Variants in FGF12 observed in about 807,000 individuals in gnomAD.
FGF12 encodes fibroblast growth factor 12B.
In FGF12, 14 loss-of-function variants were observed where a neutral mutation model predicts 23.6. That is an observed-to-expected ratio of 0.59 (90% confidence interval 0.39 to 0.93). FGF12 has a LOEUF of 0.93. FGF12 is among the 40% of genes least tolerant of loss of function. The pLI is 0.00. For synonymous variants in FGF12, 62 were observed against 77.3 expected (o/e 0.80, Z 1.04); for missense variants, 175 against 217.8 (o/e 0.80, Z 1.24).
chr3:192,630,850 G>A (rs1367869845), intron 2 of FGF12, among the ~76,000 whole-genome samples: 7 of 151,706 alleles, frequency 4.6e-5, no homozygotes, highest in South Asian at 2.1e-4. Context: ...GAGCCACCGC[G>A]CCCGGCCCAC....
chr3:192,253,085 G>C (rs557793568), intron 4 of FGF12, among the ~76,000 whole-genome samples: 1 of 152,184 alleles, frequency 6.6e-6, no homozygotes, highest in South Asian at 2.1e-4. Context: ...AAAATCGTTG[G>C]ATCTCTCTAC....
At chr3:192,227,587 A>G (rs1718803576) in intron 4 of FGF12, among the ~76,000 whole-genome samples, 1 of 151,404 alleles carries the variant, frequency 6.6e-6, no homozygotes, top group South Asian at 2.1e-4. Context: ...AAGTAAAAAA[A>G]AAAAAAAAAA....
chr3:192,402,072 T>C (rs1252534464), intron 2 of FGF12, among the ~76,000 whole-genome samples: 5 of 152,200 alleles, frequency 3.3e-5, no homozygotes, highest in Non-Finnish European at 5.9e-5. Context: ...CACATCCCAC[T>C]CCGAAGTCCA....
intron 2 of FGF12, among the ~76,000 whole-genome samples, chr3:192,627,190 G>A (rs1196650440): frequency 1.3e-5 from 2 of 152,030 alleles, no homozygotes; most frequent in East Asian, 3.9e-4. Flanking sequence ...TAGCATAGGA[G>A]TCAGATATCT....
At chr3:192,623,979 C>CA (rs1206493780) in intron 2 of FGF12, among the ~76,000 whole-genome samples, 1 of 152,158 alleles carries the variant, frequency 6.6e-6, no homozygotes, top group Non-Finnish European at 1.5e-5. Context: ...TAGGTTATCA[C>CA]AGGATGTGAC....
intron 2 of FGF12, among the ~76,000 whole-genome samples, chr3:192,629,873 C>T (rs183950594): frequency 1.2e-4 from 18 of 152,262 alleles, no homozygotes; most frequent in African/African-American, 4.3e-4. Flanking sequence ...GAGGATATAA[C>T]ACAAGAACAC....
At chr3:192,230,099 C>G (rs1718947146) in intron 4 of FGF12, among the ~76,000 whole-genome samples, 1 of 152,062 alleles carries the variant, frequency 6.6e-6, no homozygotes, top group South Asian at 2.1e-4. Flanking sequence ...AATCTCAGAC[C>G]CCATTCCACA....
At chr3:192,686,053 A>G (rs1231565857) in intron 2 of FGF12, among the ~76,000 whole-genome samples, 1 of 152,224 alleles carries the variant, frequency 6.6e-6, no homozygotes, top group African/African-American at 2.4e-5. Context: ...AAGGAGCTAG[A>G]AAGAGTTGGA....
At chr3:192,501,259 T>C (rs997178166) in intron 2 of FGF12, among the ~76,000 whole-genome samples, 4 of 152,160 alleles carry the variant, frequency 2.6e-5, no homozygotes, top group African/African-American at 9.7e-5. Flanking sequence ...ATAATTTTAA[T>C]TGTATCACTA....
At chr3:192,526,431 T>G (rs1386701026) in intron 2 of FGF12, among the ~76,000 whole-genome samples, 2 of 152,200 alleles carry the variant, frequency 1.3e-5, no homozygotes, top group African/African-American at 4.8e-5. Context: ...GGTAGAAGTG[T>G]TGATTTAGCC....
chr3:192,390,453 T>C (rs1046645497), intron 2 of FGF12, among the ~76,000 whole-genome samples: 22 of 152,164 alleles, frequency 1.4e-4, no homozygotes, highest in Admixed American at 1.4e-3. Flanking sequence ...TAATGTGACA[T>C]TAAATATGTT....
intron 4 of FGF12, among the ~76,000 whole-genome samples, chr3:192,305,938 G>A (rs1333544850): frequency 7.8e-6 from 1 of 128,018 alleles, no homozygotes; most frequent in Non-Finnish European, 1.5e-5. Context: ...TCAGCTCACT[G>A]CAAGCTCCAC....
intron 2 of FGF12, among the ~76,000 whole-genome samples, chr3:192,577,887 C>T (rs1309036464): frequency 6.6e-6 from 1 of 152,036 alleles, no homozygotes; most frequent in Admixed American, 6.6e-5. Context: ...TTAGATAAAG[C>T]CCTAAAAGGA....
intron 2 of FGF12, among the ~76,000 whole-genome samples, chr3:192,470,429 C>T (rs1410364392): frequency 6.6e-6 from 1 of 152,188 alleles, no homozygotes; most frequent in Non-Finnish European, 1.5e-5. Context: ...ACTCTGTCTG[C>T]CTAGGCTGTA....
intron 4 of FGF12, among the ~76,000 whole-genome samples, chr3:192,239,978 A>AG (rs1398742052): frequency 6.6e-6 from 1 of 152,174 alleles, no homozygotes; most frequent in Non-Finnish European, 1.5e-5. Flanking sequence ...CTATGGGTGC[A>AG]GGGGGGAAGA....
chr3:192,618,590 A>G (rs1245942204), intron 2 of FGF12, among the ~76,000 whole-genome samples: 1 of 152,124 alleles, frequency 6.6e-6, no homozygotes, highest in Non-Finnish European at 1.5e-5. Flanking sequence ...TAAAGCTAAA[A>G]ATATTCTCTC....
rs746461738 is a variant in FGF12, at chr3:192,170,864, A to G, written c.229-208T>C. Among the ~76,000 whole-genome samples the G allele has an allele frequency of 5.1e-4, 77 of 152,312 alleles. 1 individual carries two copies. The highest frequency in any genetic ancestry group is 1.2e-3 in the South Asian group (6 of 4,826). ...TGCCTTTCTAGCCAACCTTCAGCCC[A>G]GAGATAATAACTTGCTCAGGCTTGA... On this transcript the variant is annotated intron_variant, in intron 4 of 5. Transcript: ENST00000445105.
At chr3:192,695,944 C>T (rs1268969774) in intron 2 of FGF12, among the ~76,000 whole-genome samples, 1 of 152,030 alleles carries the variant, frequency 6.6e-6, no homozygotes, top group Non-Finnish European at 1.5e-5. Flanking sequence ...ACTAAAAATA[C>T]AAAAATTAGC....
chr3:192,212,512 G>A (rs2108680134), intron 4 of FGF12, among the ~76,000 whole-genome samples: 1 of 152,234 alleles, frequency 6.6e-6, no homozygotes, highest in East Asian at 1.9e-4. Context: ...ATATATATTT[G>A]CTGCTGTCTG....
Sources: allele counts gnomAD v4.1 joint callset (sites outside exome capture counted in the v4.1 genomes callset), GRCh38; gene constraint gnomAD v4.1.1; transcripts MANE v1.5; gene names NCBI Gene and HGNC (gene_info 2026-07-23, HGNC 2026-07-21).